NRAP: variants seen among roughly 807,000 people sequenced by gnomAD.
NRAP encodes nebulin-related-anchoring protein.
Under a neutral mutation model 225.9 loss-of-function variants are expected in NRAP, and 189 were observed. The observed-to-expected ratio is 0.84, with a 90% CI of 0.74 to 0.94. The LOEUF (loss-of-function observed/expected upper bound fraction) is 0.94, where lower values mean the gene tolerates loss of function less well. Among genes scored for constraint, NRAP ranks in the 40% least tolerant of loss-of-function variants. The probability of loss-of-function intolerance (pLI) is 0.00; values close to 1 mark genes in which losing one functional copy is unlikely to be tolerated. For missense variants in NRAP, 2,176 were observed against 2,168.7 expected (o/e 1.00, Z -0.07); for synonymous variants, 769 against 790.7 (o/e 0.97, Z 0.46).
rs148839414 is a variant in NRAP at position 113,598,069 on chromosome 10, C to T, written c.4232G>A (p.Arg1411His). The T allele has an allele frequency of 7.4e-5, 119 of 1,610,114 alleles. No individual in the cohort carries two copies. Among genetic ancestry groups the T allele is most frequent in the Admixed American group, 1.0e-4 (6 of 59,934 alleles). The change falls in exon 36 of 42, where the codon CGC (arginine) becomes CAC (histidine). Residue 1411 changes from arginine (R) to histidine (H), a missense_variant. Physicochemically the swap from Arg to His is conservative, Grantham distance 29. This residue lies in a region of NRAP where 445 missense variants were observed against 426.1 expected (regional missense o/e 1.04). Coordinates refer to ENST00000359988, the MANE Select transcript of NRAP (RefSeq NM_198060.4). ...KKAHALQSEL[R>H]YKSDLIGMKG... ...CATGCCGATCAGGTCTGACTTGTAG[C>T]GCAACTGCAGGGAAAAAAATCATGG...
chr10:113,639,695 G>T (rs1390400760), intron 14 of NRAP, among the ~76,000 whole-genome samples: 1 of 152,104 alleles, frequency 6.6e-6, no homozygotes, highest in African/African-American at 2.4e-5. Context: ...AAATTTAATT[G>T]ATTGCACACA....
At chr10:113,589,880 C>T (rs751592372) in intron 40 of NRAP, 83 bp from the exon 41 acceptor site, 66 of 1,472,298 alleles carry the variant, frequency 4.5e-5, no homozygotes, top group Non-Finnish European at 5.9e-5. Flanking sequence ...ATTAAAAAGG[C>T]AGCCACAGTA....
chr10:113,652,856 G>T, intron 6 of NRAP, 79 bp downstream of exon 6: 1 of 947,280 alleles, frequency 1.1e-6, no homozygotes, highest in Non-Finnish European at 1.7e-6. Flanking sequence ...CTCTCTTACT[G>T]TTTTTTCCCT....
At chr10:113,616,059 A>G (rs559065026) in intron 26 of NRAP, among the ~76,000 whole-genome samples, 1 of 152,322 alleles carries the variant, frequency 6.6e-6, no homozygotes, top group African/African-American at 2.4e-5. Flanking sequence ...CGCCCCACTC[A>G]TAGTAAACTG....
At chr10:113,646,062 A>AC (rs1564750837) in intron 10 of NRAP, 121 bp from the exon 11 acceptor site, 2 of 574,210 alleles carry the variant, frequency 3.5e-6, no homozygotes, top group Non-Finnish European at 6.1e-6. Context: ...TCTGAAAGAA[A>AC]AAAAAATTCA....
intron 25 of NRAP, among the ~76,000 whole-genome samples, chr10:113,619,821 T>C (rs142428755): frequency 6.6e-6 from 1 of 152,264 alleles, no homozygotes; most frequent in Non-Finnish European, 1.5e-5. Flanking sequence ...GGTCTGATGG[T>C]GTCCAGCCTC....
chr10:113,633,697 AT>A (rs1848699166), intron 15 of NRAP, among the ~76,000 whole-genome samples: 1 of 152,128 alleles, frequency 6.6e-6, no homozygotes. Flanking sequence ...TTATTGTTAG[AT>A]TTTTGATGTG....
At chr10:113,652,012 C>T in intron 6 of NRAP, 105 bp from the exon 7 acceptor site, 2 of 736,778 alleles carry the variant, frequency 2.7e-6, no homozygotes, top group East Asian at 2.6e-5. Flanking sequence ...ACACTCAATG[C>T]AAACCTGTGG....
rs776388813 is a variant in NRAP at position 113,641,465 on chromosome 10, T to C, written c.1223A>G (p.Tyr408Cys). 6.2e-6 allele frequency: 10 copies of C among 1,608,186 alleles called. No homozygotes were observed. The Admixed American group carries it at 1.5e-4, about 24-fold the overall frequency. ...KISKFTSDNK[Y>C]KENYQNHMRG... ...CATGTGGTTCTGGTAGTTTTCTTTA[T>C]ATTTATTCTACATGGAAACGCAAAG... The change falls in exon 13 of 42, where the codon TAT (tyrosine) becomes TGT (cysteine). Residue 408 changes from tyrosine (Y) to cysteine (C), a missense_variant. Physicochemically the swap from Tyr to Cys is radical, Grantham distance 194. Transcript: ENST00000359988.
chr10:113,652,939 C>G lies in NRAP; in HGVS notation c.566G>C (p.Ser189Thr). 6.2e-7 allele frequency: 1 copy of G among 1,609,836 alleles called. No homozygotes were observed. Among genetic ancestry groups the G allele is most frequent in the South Asian group, 1.1e-5 (1 of 90,242 alleles). Residue 189 changes from serine (S) to threonine (T), a missense_variant, in exon 6 of 42, where the codon AGC becomes ACC. Ser to Thr is a moderately conservative substitution (Grantham distance 58, BLOSUM62 1). Around this residue, in one of 3 missense-constraint regions of NRAP, gnomAD observed 1,708 missense variants for 1,695.5 expected, o/e 1.01. Coordinates refer to ENST00000359988, the MANE Select transcript of NRAP (RefSeq NM_198060.4). ...AAAAAGCACCCAGGCACTCACTTGG[C>G]TGGCCAGCTGGTTGGCTTTCTTGGC... ...QRAKKANQLASQVEYKRGHDE... is the reference protein window; with the variant it reads ...QRAKKANQLATQVEYKRGHDE...
At position 113,612,244 on chromosome 10, in the gene NRAP, A is replaced by C; in HGVS notation, c.3488T>G (p.Leu1163Trp). Residue 1163 changes from leucine (L) to tryptophan (W), a missense_variant, in exon 30 of 42, where the codon TTG (leucine) becomes TGG (tryptophan). By Grantham distance (61) the Leu-to-Trp change is moderately conservative. Transcript: ENST00000359988. Reference sequence around the variant, plus strand: ...GCCAGGTCTCCTTACCTCACTCTGCAATTTGTGAGCTTTCTTGGCACAGCT... The same window carrying C: ...GCCAGGTCTCCTTACCTCACTCTGCCATTTGTGAGCTTTCTTGGCACAGCT... ...RLSCAKKAHKLQSENLYRSDL... is the reference protein window; with the variant it reads ...RLSCAKKAHKWQSENLYRSDL... 1 of 1,614,062 alleles carries C rather than the reference A, an allele frequency of 6.2e-7. No individual in the cohort carries two copies. The highest frequency in any genetic ancestry group is 1.1e-5 in the South Asian group (1 of 91,074).
rs561045510 is a variant in NRAP, at chr10:113,595,806, C to T, written c.4432-79G>A. The T allele has an allele frequency of 4.3e-6, 4 of 937,984 alleles. No homozygotes were observed. In the East Asian group the frequency reaches 9.7e-5, roughly 23 times the overall value. The allele number at this position is 937,984 out of a possible 1,614,324, so 58.1% of individuals were successfully genotyped here. On this transcript the variant is annotated intron_variant, in intron 37 of 41. Transcript: ENST00000359988. ...AGGGGAATAGCAACTGACTCCCTTTCCTGCCCCTCCCACCTGAGTGCCCAC... is the reference window on the plus strand; with the variant it reads ...AGGGGAATAGCAACTGACTCCCTTTTCTGCCCCTCCCACCTGAGTGCCCAC...
At chr10:113,618,459 A>G (rs950696458) in intron 25 of NRAP, among the ~76,000 whole-genome samples, 1 of 152,264 alleles carries the variant, frequency 6.6e-6, no homozygotes, top group African/African-American at 2.4e-5. Flanking sequence ...GAACATGGCC[A>G]TGCTCATTCA....
rs1850072265 is a variant in NRAP at position 113,652,932 on chromosome 10, C to G, written c.570+3G>C. 1 of 1,604,048 alleles carries G rather than the reference C, an allele frequency of 6.2e-7. No homozygotes were observed. Among genetic ancestry groups the G allele is most frequent in the East Asian group, 2.2e-5 (1 of 44,794 alleles). On this transcript the variant is annotated splice_donor_region_variant and intron_variant, in intron 6 of 41. Transcript: ENST00000359988. ...AATGGTGAAAAAGCACCCAGGCACTCACTTGGCTGGCCAGCTGGTTGGCTT... is the reference window on the plus strand; with the variant it reads ...AATGGTGAAAAAGCACCCAGGCACTGACTTGGCTGGCCAGCTGGTTGGCTT...
rs886046747 is a variant in NRAP, at chr10:113,589,134, C to T, written c.5089-55G>A. On this transcript the variant is annotated intron_variant, in intron 41 of 41. Coordinates refer to ENST00000359988, the MANE Select transcript of NRAP (RefSeq NM_198060.4). ...AATGAAGCTCCCCCACCCCCACTCC[C>T]GGCCCCGGTTCCCACAGGACACGCT... is the stretch of plus-strand genomic sequence containing the variant. 183 of 1,460,568 alleles carry T rather than the reference C, an allele frequency of 1.3e-4. No individual in the cohort carries two copies. Among genetic ancestry groups the T allele is most frequent in the Middle Eastern group, 1.1e-3 (5 of 4,632 alleles). The allele number at this position is 1,460,568 out of a possible 1,614,324, so 90.5% of individuals were successfully genotyped here.
At chr10:113,631,382 C>A (rs557747326) in intron 18 of NRAP, 127 bp downstream of exon 18, 27 of 618,098 alleles carry the variant, frequency 4.4e-5, no homozygotes, top group African/African-American at 3.8e-4. Flanking sequence ...TTATGCAAGC[C>A]AGGAAAGAAA....
Position 113,629,455 on chromosome 10 carries a change from C to T in NRAP, c.2040+133G>A, listed in dbSNP as rs2286738. 199,115 of 668,080 alleles carry T rather than the reference C, an allele frequency of 0.3. 30,456 individuals carry two copies. Among genetic ancestry groups the T allele is most frequent in the Admixed American group, 0.4 (16,122 of 39,990 alleles). 41.4% of individuals were successfully genotyped at this position (668,080 alleles called of 1,614,324 possible). On this transcript the variant is annotated intron_variant, in intron 19 of 41. Transcript: ENST00000359988. ...CCTCCCCATCTGCCCTTTCTGGCCC[C>T]CTGGTACATTTCCTGCAGTTCTTCC...
chr10:113,620,731 A>C (rs1847938388), intron 24 of NRAP, 23 bp from the exon 25 acceptor site: 3 of 1,546,712 alleles, frequency 1.9e-6, no homozygotes, highest in South Asian at 1.1e-5. Context: ...AAAGAAAAAA[A>C]AAAAAAGCAG....
intron 41 of NRAP, 67 bp downstream of exon 41, chr10:113,589,599 G>T: frequency 6.4e-7 from 1 of 1,552,604 alleles, no homozygotes; most frequent in Middle Eastern, 2.0e-4. Flanking sequence ...ACTTTGAAAA[G>T]AAACAATGAG....
Sources: gnomAD v4.1 joint callset for allele counts (sites outside exome capture counted in the v4.1 genomes callset) on GRCh38, gnomAD v4.1.1 for gene constraint, gnomAD v4.1.1 regional missense constraint, MANE v1.5 for transcripts, NCBI Gene and HGNC (gene_info 2026-07-23, HGNC 2026-07-21) for gene names.